NCAM2: variants seen among roughly 807,000 people sequenced by gnomAD.
NCAM2 encodes neural cell adhesion molecule 2.
A neutral mutation model predicts 98.1 loss-of-function variants in NCAM2; 30 were observed. The ratio of observed to expected loss-of-function variants is 0.31; its 90% CI spans 0.23 to 0.41. The LOEUF (loss-of-function observed/expected upper bound fraction) is 0.41, where lower values mean the gene tolerates loss of function less well. NCAM2 is among the 10% of genes least tolerant of loss of function. The pLI is 1.00. For synonymous variants in NCAM2, 368 were observed against 342.4 expected, an observed-to-expected ratio of 1.07 and a Z score of -0.83; for missense variants, 867 against 1,005.8, an observed-to-expected ratio of 0.86 and a Z score of 1.87.
chr21:21,037,530 A>T (rs904893291), intron 1 of NCAM2, among the ~76,000 whole-genome samples: 2 of 152,180 alleles, frequency 1.3e-5, no homozygotes, highest in South Asian at 4.1e-4. Flanking sequence ...TTTCAGTTTG[A>T]TATAATTCTT....
At chr21:21,125,727 A>AGAGAGAGT (rs3071993) in intron 1 of NCAM2, among the ~76,000 whole-genome samples, 1 of 144,832 alleles carries the variant, frequency 6.9e-6, no homozygotes, top group Non-Finnish European at 1.5e-5. Context: ...AGAGAGAGAG[A>AGAGAGAGT]TTGAGGTTTT....
chr21:21,242,005 A>G (rs2147242716), intron 1 of NCAM2, among the ~76,000 whole-genome samples: 1 of 152,312 alleles, frequency 6.6e-6, no homozygotes, highest in Middle Eastern at 3.4e-3. Context: ...TCTCAGAATA[A>G]GAATGTGGAA....
intron 1 of NCAM2, among the ~76,000 whole-genome samples, chr21:21,163,086 A>G (rs2067837532): frequency 6.6e-6 from 1 of 152,200 alleles, no homozygotes; most frequent in Non-Finnish European, 1.5e-5. Flanking sequence ...TGTTGAAGCA[A>G]AAAGAGATGT....
At chr21:21,268,042 A>T (rs1005712390) in intron 1 of NCAM2, among the ~76,000 whole-genome samples, 1 of 152,080 alleles carries the variant, frequency 6.6e-6, no homozygotes, top group Non-Finnish European at 1.5e-5. Flanking sequence ...CGGCTGCAGC[A>T]TTTTTGGCTC....
intron 1 of NCAM2, among the ~76,000 whole-genome samples, chr21:21,055,784 C>T (rs1344139190): frequency 2.0e-5 from 3 of 152,034 alleles, no homozygotes; most frequent in Non-Finnish European, 4.4e-5. Flanking sequence ...CTTACTTTCC[C>T]CATTTGTAAA....
chr21:21,017,424 C>CAA (rs11461275), intron 1 of NCAM2, among the ~76,000 whole-genome samples: 2,743 of 58,642 alleles, frequency 0.047, 493 homozygotes, highest in Middle Eastern at 0.087. Context: ...GACTCTGTCT[C>CAA]AAAAAAAAAA....
At chr21:21,329,199 C>T (rs545933890) in intron 6 of NCAM2, among the ~76,000 whole-genome samples, 3 of 152,120 alleles carry the variant, frequency 2.0e-5, no homozygotes, top group South Asian at 4.2e-4. Flanking sequence ...ATCCCGCGTC[C>T]GCCTCCCAAA....
At chr21:21,390,898 C>A (rs1484660518) in intron 9 of NCAM2, among the ~76,000 whole-genome samples, 1 of 152,172 alleles carries the variant, frequency 6.6e-6, no homozygotes, top group Non-Finnish European at 1.5e-5. Flanking sequence ...AAAATATGCA[C>A]ACCTATATTT....
intron 1 of NCAM2, among the ~76,000 whole-genome samples, chr21:21,108,999 C>A (rs1315542005): frequency 6.6e-6 from 1 of 152,090 alleles, no homozygotes; most frequent in Admixed American, 6.6e-5. Flanking sequence ...TAGTTTTACA[C>A]AAATATTTTT....
At chr21:21,087,679 G>A (rs867452124) in intron 1 of NCAM2, among the ~76,000 whole-genome samples, 4 of 152,182 alleles carry the variant, frequency 2.6e-5, no homozygotes, top group South Asian at 2.1e-4. Context: ...CTGGGTCACA[G>A]ACAGGAATGG....
chr21:21,286,470 A>C, intron 4 of NCAM2, 58 bp downstream of exon 4: 1 of 1,520,328 alleles, frequency 6.6e-7, no homozygotes, highest in Non-Finnish European at 8.9e-7. Flanking sequence ...AGTTTTTAAA[A>C]ATCTGAATCT....
At chr21:21,119,407 T>G (rs995961710) in intron 1 of NCAM2, among the ~76,000 whole-genome samples, 3 of 152,178 alleles carry the variant, frequency 2.0e-5, no homozygotes, top group African/African-American at 7.2e-5. Context: ...AATTAGTGTT[T>G]TAATGAAGGA....
intron 1 of NCAM2, among the ~76,000 whole-genome samples, chr21:21,126,254 A>G (rs866579275): frequency 4.6e-5 from 7 of 150,876 alleles, no homozygotes; most frequent in African/African-American, 1.5e-4. Context: ...AAAAAAAAAA[A>G]AAAATCGCAG....
intron 1 of NCAM2, among the ~76,000 whole-genome samples, chr21:21,133,949 A>G (rs150765403): frequency 2.0e-5 from 3 of 152,060 alleles, no homozygotes; most frequent in East Asian, 1.9e-4. Context: ...GGATATTCCA[A>G]ATCTTAATGG....
chr21:21,223,974 G>A (rs747406393), intron 1 of NCAM2, among the ~76,000 whole-genome samples: 55 of 152,120 alleles, frequency 3.6e-4, no homozygotes, highest in Non-Finnish European at 7.4e-4. Context: ...AAGCAATCAC[G>A]GAACACAGTG....
At chr21:21,284,528 G>A in intron 3 of NCAM2, 128 bp downstream of exon 3, 3 of 715,230 alleles carry the variant, frequency 4.2e-6, no homozygotes, top group Non-Finnish European at 2.3e-6. Flanking sequence ...GTTTATTTAT[G>A]CTTTACCAGA....
chr21:21,095,789 C>A (rs1055269783), intron 1 of NCAM2, among the ~76,000 whole-genome samples: 4 of 151,542 alleles, frequency 2.6e-5, no homozygotes, highest in African/African-American at 7.3e-5. Context: ...TTTCATATTT[C>A]TCAGAACTAC....
intron 9 of NCAM2, among the ~76,000 whole-genome samples, chr21:21,397,086 T>A (rs1358224384): frequency 6.6e-6 from 1 of 152,050 alleles, no homozygotes; most frequent in Non-Finnish European, 1.5e-5. Flanking sequence ...AGACCCTAAG[T>A]GGGTAGCTCT....
At chr21:21,405,765 C>T (rs991003591) in intron 9 of NCAM2, among the ~76,000 whole-genome samples, 5 of 151,982 alleles carry the variant, frequency 3.3e-5, no homozygotes, top group African/African-American at 1.2e-4. Flanking sequence ...AATATTGCAA[C>T]AAATTTTCTA....
Sources: allele counts gnomAD v4.1 joint callset (sites outside exome capture counted in the v4.1 genomes callset), GRCh38; gene constraint gnomAD v4.1.1; transcripts MANE v1.5; gene names NCBI Gene and HGNC (gene_info 2026-07-23, HGNC 2026-07-21).